EGLN3: variants seen among roughly 807,000 people sequenced by gnomAD.
The protein encoded by EGLN3 is egl-9 family hypoxia inducible factor 3.
In EGLN3, 15 loss-of-function variants were observed where a neutral mutation model predicts 26.0. The observed-to-expected ratio is 0.58, with a 90% CI of 0.39 to 0.89. EGLN3 has a LOEUF of 0.89. Ranked by LOEUF, EGLN3 falls within the 40% of genes least tolerant of loss-of-function variation. EGLN3 has a pLI of 0.00. For synonymous variants in EGLN3, 147 were observed against 127.2 expected, an observed-to-expected ratio of 1.16 and a Z score of -1.05; for missense variants, 238 against 311.6, an observed-to-expected ratio of 0.76 and a Z score of 1.78.
intron 1 of EGLN3, among the ~76,000 whole-genome samples, chr14:33,942,532 G>A (rs1392069556): frequency 6.6e-6 from 1 of 152,028 alleles, no homozygotes; most frequent in Non-Finnish European, 1.5e-5. Context: ...TAAATAAAAG[G>A]GTCCCAAACA....
At chr14:33,940,086 G>A (rs1331031896) in intron 1 of EGLN3, among the ~76,000 whole-genome samples, 1 of 152,022 alleles carries the variant, frequency 6.6e-6, no homozygotes, top group African/African-American at 2.4e-5. Flanking sequence ...ATCCAAAGGG[G>A]GAATTTTAAC....
intron 1 of EGLN3, among the ~76,000 whole-genome samples, chr14:33,944,469 C>T (rs756719536): frequency 7.2e-5 from 11 of 152,160 alleles, no homozygotes; most frequent in Non-Finnish European, 1.6e-4. Context: ...CAAGGATCTG[C>T]TCAAGATATC....
intron 1 of EGLN3, among the ~76,000 whole-genome samples, chr14:33,935,115 G>T (rs2064432138): frequency 6.6e-6 from 1 of 152,170 alleles, no homozygotes. Flanking sequence ...GGGATAATCT[G>T]CATTTAGCTC....
chr14:33,930,965 A>G, intron 2 of EGLN3, 131 bp downstream of exon 2: 2 of 1,351,772 alleles, frequency 1.5e-6, no homozygotes, highest in East Asian at 4.6e-5. Context: ...AGGTTATGAA[A>G]TGGAAATAGA....
At chr14:33,934,693 C>T (rs899666164) in intron 1 of EGLN3, among the ~76,000 whole-genome samples, 5 of 152,192 alleles carry the variant, frequency 3.3e-5, no homozygotes, top group Admixed American at 3.3e-4. Context: ...TACACCCACC[C>T]TGCCGTTACC....
intron 1 of EGLN3, among the ~76,000 whole-genome samples, chr14:33,943,754 C>A (rs181747675): frequency 1.3e-5 from 2 of 152,278 alleles, no homozygotes; most frequent in African/African-American, 2.4e-5. Flanking sequence ...GCCACCCTGA[C>A]CTTTAAGCTT....
At chr14:33,935,036 T>C (rs2064431640) in intron 1 of EGLN3, among the ~76,000 whole-genome samples, 1 of 152,224 alleles carries the variant, frequency 6.6e-6, no homozygotes, top group African/African-American at 2.4e-5. Flanking sequence ...CCAACCTTTG[T>C]AAGGATTCAT....
At chr14:33,937,961 T>C (rs188718183) in intron 1 of EGLN3, among the ~76,000 whole-genome samples, 45 of 152,330 alleles carry the variant, frequency 3.0e-4, no homozygotes, top group Middle Eastern at 3.4e-3. Context: ...CCATTCTCAC[T>C]TTAAAACCTG....
chr14:33,927,344 T>A (rs2064369698), intron 3 of EGLN3, among the ~76,000 whole-genome samples: 1 of 152,040 alleles, frequency 6.6e-6, no homozygotes, highest in Non-Finnish European at 1.5e-5. Context: ...AATTTTTAAA[T>A]TTTTAGTAGA....
chr14:33,930,391 G>C (rs2064393968), intron 2 of EGLN3, among the ~76,000 whole-genome samples: 1 of 152,146 alleles, frequency 6.6e-6, no homozygotes, highest in Non-Finnish European at 1.5e-5. Context: ...GCCAGTATTT[G>C]CCTAATGAAC....
intron 1 of EGLN3, among the ~76,000 whole-genome samples, chr14:33,936,091 C>T (rs769924614): frequency 2.0e-5 from 3 of 152,058 alleles, no homozygotes. Flanking sequence ...ATTAGTTGGG[C>T]ATGGTGGCGC....
At chr14:33,948,736 A>G (rs2064535399) in intron 1 of EGLN3, 1 of 152,202 alleles carries the variant, frequency 6.6e-6, no homozygotes, top group Non-Finnish European at 1.5e-5. Context: ...TTCCATACCA[A>G]TTAATCCTGA....
In EGLN3 at chr14:33,925,887, A is replaced by G. The variant is rs763205226; in HGVS notation, c.*4T>C. 2.7e-5 allele frequency: 44 copies of G among 1,613,938 alleles called. No individual in the cohort carries two copies. The highest frequency in any genetic ancestry group is 9.3e-5 in the African/African-American group (7 of 74,912). ...GAACAAGGCCAGCAGATTTCAGAGCACGGTCAGTCTTCAGTGAGGGCAGAT... is the reference window on the plus strand; with the variant it reads ...GAACAAGGCCAGCAGATTTCAGAGCGCGGTCAGTCTTCAGTGAGGGCAGAT... On this transcript the variant is annotated 3_prime_UTR_variant, in exon 5 of 5. Transcript: ENST00000250457.
chr14:33,931,261 C>A (rs1010313237), intron 1 of EGLN3, 46 bp from the exon 2 acceptor site: 2 of 1,612,752 alleles, frequency 1.2e-6, no homozygotes, highest in Admixed American at 3.3e-5. Context: ...CTGAGACAGA[C>A]AATCTTCTCC....
In EGLN3 at chr14:33,950,640, A is replaced by G; in HGVS notation, c.113T>C (p.Val38Ala). Residue 38 changes from valine (V) to alanine (A), a missense_variant, in exon 1 of 5, where the codon GTG becomes GCG. Val to Ala is a moderately conservative substitution (Grantham distance 64). Transcript: ENST00000250457. ...FCYLDNFLGE[V>A]VGDCVLERVK... ...GCGCTCCAGGACGCAGTCGCCCACC[A>G]CCTCGCCCAGGAAGTTGTCCAGGTA... The G allele has an allele frequency of 6.2e-7, 1 of 1,613,676 alleles. No individual in the cohort carries two copies. The highest frequency in any genetic ancestry group is 8.5e-7 in the Non-Finnish European group (1 of 1,179,900).
In EGLN3 at chr14:33,925,631, TAA is replaced by T. The variant is rs2064356663; in HGVS notation, c.*258_*259del. 95 of 505,172 alleles carry T rather than the reference TAA, an allele frequency of 1.9e-4. No individual in the cohort carries two copies. The South Asian group carries it at 2.1e-3, about 11-fold the overall frequency. The allele number at this position is 505,172 out of a possible 1,614,324, so 31.3% of individuals were successfully genotyped here. ...TGATAGTATTACCGAATCTATCAGGTAAACCGCTGGCCGAGTAGGATGTCTGC... is the reference window on the plus strand; with the variant it reads ...TGATAGTATTACCGAATCTATCAGGTACCGCTGGCCGAGTAGGATGTCTGC... On this transcript the variant is annotated 3_prime_UTR_variant, in exon 5 of 5. Coordinates refer to ENST00000250457, the MANE Select transcript of EGLN3 (RefSeq NM_022073.4).
At position 33,950,510 on chromosome 14, in the gene EGLN3, G is replaced by A. The variant is rs1286659730; in HGVS notation, c.243C>T (p.Ile81=). 1 of 1,613,590 alleles carries A rather than the reference G, an allele frequency of 6.2e-7. No homozygotes were observed. Among genetic ancestry groups the A allele is most frequent in the Middle Eastern group, 1.7e-4 (1 of 6,060 alleles). ...CCTCGCAGCCCTCCTCGTTGCCCCC[G>A]ATCCACGTGATCTGGTCGCCCCGCA... ...RHLRGDQITW[I]GGNEEGCEAI... Residue 81 remains isoleucine (I), a synonymous_variant, in exon 1 of 5, where the codon ATC becomes ATT. Transcript: ENST00000250457.
At chr14:33,945,415 G>A (rs2064511024) in intron 1 of EGLN3, among the ~76,000 whole-genome samples, 1 of 152,182 alleles carries the variant, frequency 6.6e-6, no homozygotes, top group East Asian at 1.9e-4. Context: ...GACTACGGCT[G>A]ATAGATCCCT....
Position 33,931,092 on chromosome 14 carries a change from G to T in EGLN3, c.477+4C>A. The T allele has an allele frequency of 6.2e-7, 1 of 1,614,122 alleles. No individual in the cohort carries two copies. Among genetic ancestry groups the T allele is most frequent in the Non-Finnish European group, 8.5e-7 (1 of 1,180,018 alleles). On this transcript the variant is annotated splice_donor_region_variant and intron_variant, in intron 2 of 4. Transcript: ENST00000250457. ...CACACTCTACTCCCATTATTCAAAAGTACCTTGGCATCCCAATTCTTGTTC... is the reference window on the plus strand; with the variant it reads ...CACACTCTACTCCCATTATTCAAAATTACCTTGGCATCCCAATTCTTGTTC...
Sources: gnomAD v4.1 joint callset for allele counts (sites outside exome capture counted in the v4.1 genomes callset) on GRCh38, gnomAD v4.1.1 for gene constraint, MANE v1.5 for transcripts, NCBI Gene and HGNC (gene_info 2026-07-23, HGNC 2026-07-21) for gene names.